CLSTN2: variants seen among roughly 807,000 people sequenced by gnomAD.
The protein encoded by CLSTN2 is calsyntenin 2, also known as calsyntenin-2.
CLSTN2 carries 48 observed loss-of-function variants against 101.2 expected under a neutral mutation model. The ratio of observed to expected loss-of-function variants is 0.47; its 90% CI spans 0.38 to 0.60. The LOEUF (loss-of-function observed/expected upper bound fraction) is 0.60, where lower values mean the gene tolerates loss of function less well. Among genes scored for constraint, CLSTN2 ranks in the 20% least tolerant of loss-of-function variants. The pLI, the probability that CLSTN2 is intolerant of heterozygous loss-of-function variation, is 0.00. For missense variants in CLSTN2, 1,160 were observed against 1,238.2 expected, an observed-to-expected ratio of 0.94 and a Z score of 0.95; for synonymous variants, 481 against 463.6, an observed-to-expected ratio of 1.04 and a Z score of -0.48.
chr3:140,230,704 A>G (rs1182596371), intron 2 of CLSTN2, among the ~76,000 whole-genome samples: 3 of 152,224 alleles, frequency 2.0e-5, no homozygotes, highest in African/African-American at 2.4e-5. Context: ...ACTGTAAGAA[A>G]TAAATTGATG....
intron 1 of CLSTN2, among the ~76,000 whole-genome samples, chr3:140,023,544 C>A (rs1252655473): frequency 6.6e-6 from 1 of 152,052 alleles, no homozygotes; most frequent in African/African-American, 2.4e-5. Flanking sequence ...CTGGACTGAC[C>A]CTTGCTGTTC....
intron 2 of CLSTN2, among the ~76,000 whole-genome samples, chr3:140,287,953 C>G (rs932064572): frequency 6.6e-6 from 1 of 152,178 alleles, no homozygotes; most frequent in East Asian, 1.9e-4. Flanking sequence ...TCTCAGAAGA[C>G]TAAGTTGCTC....
chr3:140,240,273 CACATATAT>C (rs2086453953), intron 2 of CLSTN2, among the ~76,000 whole-genome samples: 2 of 72,610 alleles, frequency 2.8e-5, no homozygotes, highest in Non-Finnish European at 5.5e-5. Context: ...CACATATATA[CACATATAT>C]ACATATATAC....
At chr3:140,011,135 C>A (rs2007064911) in intron 1 of CLSTN2, among the ~76,000 whole-genome samples, 2 of 152,214 alleles carry the variant, frequency 1.3e-5, no homozygotes, top group Admixed American at 6.5e-5. Flanking sequence ...CCCAGGGACC[C>A]ACCCCAGAGG....
chr3:140,430,975 A>G (rs1429926919), intron 5 of CLSTN2, among the ~76,000 whole-genome samples: 1 of 152,248 alleles, frequency 6.6e-6, no homozygotes, highest in African/African-American at 2.4e-5. Flanking sequence ...GAGAATTTCC[A>G]AAGGGGGATG....
At chr3:140,438,758 A>C (rs2088714121) in intron 5 of CLSTN2, among the ~76,000 whole-genome samples, 1 of 152,186 alleles carries the variant, frequency 6.6e-6, no homozygotes, top group South Asian at 2.1e-4. Context: ...TGGTTGGCTG[A>C]ATTCATTGAT....
At chr3:139,952,023 G>A (rs1026707855) in intron 1 of CLSTN2, among the ~76,000 whole-genome samples, 1 of 152,102 alleles carries the variant, frequency 6.6e-6, no homozygotes, top group Non-Finnish European at 1.5e-5. Context: ...AGAGAGGCTG[G>A]ATTGCCTAAG....
intron 8 of CLSTN2, among the ~76,000 whole-genome samples, chr3:140,513,907 T>C (rs1173846061): frequency 6.6e-6 from 1 of 152,012 alleles, no homozygotes; most frequent in Non-Finnish European, 1.5e-5. Context: ...TATTCTCTGA[T>C]GGTTGTTTGC....
intron 2 of CLSTN2, among the ~76,000 whole-genome samples, chr3:140,185,267 C>G (rs931546944): frequency 2.0e-5 from 3 of 152,150 alleles, no homozygotes; most frequent in African/African-American, 7.2e-5. Context: ...CAGTGCAAGA[C>G]AGTGGTTCAA....
intron 5 of CLSTN2, among the ~76,000 whole-genome samples, chr3:140,436,552 GC>G (rs1211303301): frequency 6.6e-6 from 1 of 152,180 alleles, no homozygotes; most frequent in Non-Finnish European, 1.5e-5. Context: ...CTCGGGGAGA[GC>G]CCCTTCTCCC....
intron 2 of CLSTN2, among the ~76,000 whole-genome samples, chr3:140,259,984 G>C (rs1028034668): frequency 2.6e-5 from 4 of 151,926 alleles, no homozygotes; most frequent in Non-Finnish European, 5.9e-5. Flanking sequence ...TGGAGGGTGG[G>C]AAGAGGATGA....
At chr3:140,170,270 T>C (rs923591643) in intron 1 of CLSTN2, among the ~76,000 whole-genome samples, 1 of 152,226 alleles carries the variant, frequency 6.6e-6, no homozygotes, top group Admixed American at 6.5e-5. Context: ...ATGAATGATA[T>C]CTTCGTAGTC....
intron 1 of CLSTN2, among the ~76,000 whole-genome samples, chr3:140,059,943 G>A (rs746764563): frequency 6.6e-6 from 1 of 152,102 alleles, no homozygotes; most frequent in Non-Finnish European, 1.5e-5. Context: ...CTAATACACC[G>A]ATCTGGGGAG....
intron 1 of CLSTN2, among the ~76,000 whole-genome samples, chr3:140,026,448 A>G (rs1197535960): frequency 2.6e-5 from 4 of 152,208 alleles, no homozygotes; most frequent in African/African-American, 4.8e-5. Context: ...CAGGAAAAAA[A>G]CTAAATGGAC....
rs150773181 is a variant in CLSTN2 at position 140,282,874 on chromosome 3, C to T, written c.232+106801C>T. On this transcript the variant is annotated intron_variant, in intron 2 of 16. Transcript: ENST00000458420. Reference sequence around the variant, plus strand: ...GTATCTGGACTTTTCCCACTTGCAACCCATTCTGGCTAAGCTGAGCAAGGG... The same window carrying T: ...GTATCTGGACTTTTCCCACTTGCAATCCATTCTGGCTAAGCTGAGCAAGGG... Among the ~76,000 whole-genome samples, 136 of 152,292 alleles carry T rather than the reference C, an allele frequency of 8.9e-4. 2 individuals are homozygous for T. The South Asian group carries it at 0.024, about 26-fold the overall frequency.
chr3:140,492,201 C>G lies in CLSTN2; in HGVS notation c.1344+25470C>G, dbSNP rs558775766. ...ACCAGGATTTGGCAAGAATGCAGAGCAACTGGGAGTTTTGTATATTGCTTG... is the reference window on the plus strand; with the variant it reads ...ACCAGGATTTGGCAAGAATGCAGAGGAACTGGGAGTTTTGTATATTGCTTG... On this transcript the variant is annotated intron_variant, in intron 8 of 16. Transcript: ENST00000458420. 2.0e-5 allele frequency among the ~76,000 whole-genome samples: 3 copies of G among 152,246 alleles called. No individual in the cohort carries two copies. In the East Asian group the frequency reaches 5.8e-4, roughly 29 times the overall value.
chr3:140,151,980 C>T (rs2009874586), intron 1 of CLSTN2, among the ~76,000 whole-genome samples: 2 of 152,152 alleles, frequency 1.3e-5, no homozygotes, highest in Admixed American at 1.3e-4. Context: ...TTTTGCTTCT[C>T]CGCCCACTCA....
rs1985664359 is a variant in CLSTN2 at position 140,574,357 on chromosome 3, G to A, written c.*8104G>A. On this transcript the variant is annotated 3_prime_UTR_variant, in exon 17 of 17. Transcript: ENST00000458420. ...CCCTTCCTAGCTATAGTCAGTAAAT[G>A]GAGCCCCTAAGCAAGGAGCAGGGGT... 1 of 152,358 alleles carries A rather than the reference G, an allele frequency of 6.6e-6. No homozygotes were observed. The highest frequency in any genetic ancestry group is 2.1e-4 in the South Asian group (1 of 4,830). 9.4% of individuals were successfully genotyped at this position (152,358 alleles called of 1,614,324 possible).
rs371757465 is a variant in CLSTN2 at position 140,546,495 on chromosome 3, G to A, written c.1508-20G>A. On this transcript the variant is annotated intron_variant, in intron 9 of 16. Transcript: ENST00000458420. ...CCTACCCAGTCTTCACAGGGCAAAT[G>A]ATGGTGTTTGTTTTTTCAGGAGGAG... The A allele has an allele frequency of 7.6e-5, 123 of 1,612,308 alleles. No individual in the cohort carries two copies. In the African/African-American group the frequency reaches 1.5e-3, roughly 19 times the overall value.
Sources: allele counts gnomAD v4.1 joint callset (sites outside exome capture counted in the v4.1 genomes callset), GRCh38; gene constraint gnomAD v4.1.1; transcripts MANE v1.5; gene names NCBI Gene and HGNC (gene_info 2026-07-23, HGNC 2026-07-21).